Variants in DSCAM observed in about 807,000 individuals in gnomAD.
The protein encoded by DSCAM is DS cell adhesion molecule, also known as cell adhesion molecule DSCAM.
A neutral mutation model predicts 217.7 loss-of-function variants in DSCAM; 47 were observed. That is an observed-to-expected ratio of 0.22 (90% CI 0.17 to 0.28). DSCAM has a LOEUF of 0.28. Among genes scored for constraint, DSCAM ranks in the 10% least tolerant of loss-of-function variants. The pLI is 1.00. For synonymous variants in DSCAM, 1,056 were observed against 1,015.3 expected (o/e 1.04, Z -0.76); for missense variants, 2,080 against 2,618.3 (o/e 0.79, Z 4.49).
chr21:40,715,902 T>C (rs2090836743), intron 1 of DSCAM, among the ~76,000 whole-genome samples: 1 of 152,216 alleles, frequency 6.6e-6, no homozygotes, highest in Non-Finnish European at 1.5e-5. Context: ...ATCCTAAAAG[T>C]AGTCTTGTTA....
intron 3 of DSCAM, among the ~76,000 whole-genome samples, chr21:40,553,544 A>C (rs1189777749): frequency 6.6e-6 from 1 of 152,242 alleles, no homozygotes; most frequent in Non-Finnish European, 1.5e-5. Flanking sequence ...AGATGTGTCT[A>C]ACTCTTTGCA....
At chr21:40,642,957 A>C (rs1052951742) in intron 3 of DSCAM, among the ~76,000 whole-genome samples, 3 of 152,132 alleles carry the variant, frequency 2.0e-5, no homozygotes, top group African/African-American at 7.2e-5. Flanking sequence ...CTTTGATAAG[A>C]GCATAGAGCC....
rs189160240 is a variant in DSCAM at position 40,580,142 on chromosome 21, C to T, written c.508+112668G>A. ...TGTTGCCCAAGCTGGAGTGCAGTGG[C>T]GCGATCTCGGCTCACTGCAAGCTCT... On this transcript the variant is annotated intron_variant, in intron 3 of 32. Transcript: ENST00000400454. Among the ~76,000 whole-genome samples the T allele has an allele frequency of 9.2e-3, 1,385 of 150,874 alleles. 12 individuals carry two copies. The highest frequency in any genetic ancestry group is 0.032 in the African/African-American group (1,301 of 41,034).
chr21:40,167,784 T>G (rs11911289), intron 15 of DSCAM, among the ~76,000 whole-genome samples: 4,358 of 152,264 alleles, frequency 0.029, 229 homozygotes, highest in African/African-American at 0.1. Context: ...AAAACCCTTG[T>G]GGCCGGGCAC....
intron 1 of DSCAM, among the ~76,000 whole-genome samples, chr21:40,773,896 T>C (rs2091467129): frequency 6.6e-6 from 1 of 152,336 alleles, no homozygotes; most frequent in Non-Finnish European, 1.5e-5. Context: ...TTGAAGCAAC[T>C]GTTTGGAAAG....
At chr21:40,647,438 AT>A (rs1414920883) in intron 3 of DSCAM, among the ~76,000 whole-genome samples, 5 of 152,252 alleles carry the variant, frequency 3.3e-5, no homozygotes, top group African/African-American at 9.6e-5. Context: ...CAGACTAAGA[AT>A]ATAATGTAAG....
At chr21:40,133,617 CA>C (rs67478168) in intron 19 of DSCAM, among the ~76,000 whole-genome samples, 65,248 of 149,214 alleles carry the variant, frequency 0.44, 14,837 homozygotes, top group South Asian at 0.63. Context: ...AAACAAAAAA[CA>C]AAAAAAAAGA....
intron 32 of DSCAM, among the ~76,000 whole-genome samples, chr21:40,019,068 A>C (rs2996053): frequency 0.25 from 38,072 of 152,250 alleles, 5,041 homozygotes; most frequent in African/African-American, 0.33. Context: ...GTCAGCGGTA[A>C]GCTCTGTTAT....
intron 26 of DSCAM, among the ~76,000 whole-genome samples, chr21:40,077,032 G>C (rs888199374): frequency 3.3e-5 from 5 of 152,200 alleles, no homozygotes; most frequent in Non-Finnish European, 7.3e-5. Flanking sequence ...GTGATGCTTT[G>C]TGATGGGGAC....
At chr21:40,612,539 C>T (rs1163310103) in intron 3 of DSCAM, among the ~76,000 whole-genome samples, 1 of 152,170 alleles carries the variant, frequency 6.6e-6, no homozygotes, top group East Asian at 1.9e-4. Context: ...TGTCTACTGG[C>T]CATTGGTGTC....
At chr21:40,307,183 A>G (rs1388596427) in intron 9 of DSCAM, among the ~76,000 whole-genome samples, 4 of 151,912 alleles carry the variant, frequency 2.6e-5, no homozygotes, top group African/African-American at 4.8e-5. Flanking sequence ...CAACCTACTC[A>G]TCTGACAAAG....
intron 11 of DSCAM, among the ~76,000 whole-genome samples, chr21:40,250,715 G>A (rs1263453718): frequency 6.6e-6 from 1 of 152,182 alleles, no homozygotes; most frequent in African/African-American, 2.4e-5. Context: ...ACTGGGTCGG[G>A]GCTGACGTTC....
chr21:40,309,774 G>T (rs556952533), intron 9 of DSCAM, among the ~76,000 whole-genome samples: 1 of 152,248 alleles, frequency 6.6e-6, no homozygotes, highest in East Asian at 1.9e-4. Context: ...TGCTTCTCAT[G>T]ACCTTAACAT....
intron 3 of DSCAM, among the ~76,000 whole-genome samples, chr21:40,651,793 GTTTGC>G (rs2090017578): frequency 6.6e-6 from 1 of 152,184 alleles, no homozygotes; most frequent in South Asian, 2.1e-4. Flanking sequence ...AATACATTAT[GTTTGC>G]TTTAAGTCAA....
intron 3 of DSCAM, among the ~76,000 whole-genome samples, chr21:40,449,569 T>A (rs1183822888): frequency 1.3e-5 from 2 of 152,222 alleles, no homozygotes; most frequent in Non-Finnish European, 2.9e-5. Flanking sequence ...TCAGGAGTCA[T>A]CTATGATGTA....
At chr21:40,405,394 T>C (rs962372634) in intron 3 of DSCAM, among the ~76,000 whole-genome samples, 13 of 152,208 alleles carry the variant, frequency 8.5e-5, no homozygotes, top group Admixed American at 8.5e-4. Context: ...ATTAGTGATA[T>C]ATGCTAAAAG....
chr21:40,547,713 A>T (rs1337989422), intron 3 of DSCAM, among the ~76,000 whole-genome samples: 1 of 152,150 alleles, frequency 6.6e-6, no homozygotes, highest in Non-Finnish European at 1.5e-5. Flanking sequence ...CCTTCAGCAC[A>T]GGGAGGAGAG....
At chr21:40,453,414 A>G (rs1208355903) in intron 3 of DSCAM, among the ~76,000 whole-genome samples, 1 of 152,222 alleles carries the variant, frequency 6.6e-6, no homozygotes, top group Non-Finnish European at 1.5e-5. Context: ...CAGATTCTGC[A>G]CTATGACAGG....
intron 3 of DSCAM, among the ~76,000 whole-genome samples, chr21:40,554,652 T>C (rs372247946): frequency 3.3e-5 from 5 of 152,356 alleles, no homozygotes; most frequent in African/African-American, 1.2e-4. Context: ...TCTCCTCCTA[T>C]GCTGTATTGC....
Sources: gnomAD v4.1 joint callset for allele counts (sites outside exome capture counted in the v4.1 genomes callset) on GRCh38, gnomAD v4.1.1 for gene constraint, MANE v1.5 for transcripts, NCBI Gene and HGNC (gene_info 2026-07-23, HGNC 2026-07-21) for gene names.